Variants in ASIC2 observed in about 807,000 individuals in gnomAD.
ASIC2 encodes acid-sensing ion channel 2.
In ASIC2, 25 loss-of-function variants were observed where a neutral mutation model predicts 57.3. The ratio of observed to expected loss-of-function variants is 0.44; its 90% confidence interval spans 0.32 to 0.61. The LOEUF (loss-of-function observed/expected upper bound fraction) is 0.61. Ranked by LOEUF, ASIC2 falls within the 20% of genes least tolerant of loss-of-function variation. ASIC2 has a pLI of 0.06. For synonymous variants in ASIC2, 319 were observed against 307.5 expected (o/e 1.04, Z -0.39); for missense variants, 641 against 738.1 (o/e 0.87, Z 1.52).
chr17:33,232,953 C>T (rs766506916), intron 1 of ASIC2, among the ~76,000 whole-genome samples: 58 of 152,048 alleles, frequency 3.8e-4, no homozygotes, highest in Non-Finnish European at 4.7e-4. Context: ...AGATGCCCAC[C>T]CCTCAGGGCA....
intron 1 of ASIC2, among the ~76,000 whole-genome samples, chr17:33,218,425 C>T (rs113131332): frequency 1.4e-4 from 21 of 152,328 alleles, no homozygotes; most frequent in Non-Finnish European, 2.5e-4. Flanking sequence ...GCCCAGTGCC[C>T]GGCACAGTGG....
intron 1 of ASIC2, among the ~76,000 whole-genome samples, chr17:34,008,834 G>T (rs568815786): frequency 6.6e-6 from 1 of 152,304 alleles, no homozygotes; most frequent in Admixed American, 6.5e-5. Context: ...TACAGAGTTT[G>T]CAGAGAACAT....
intron 1 of ASIC2, among the ~76,000 whole-genome samples, chr17:33,224,524 G>C (rs917661188): frequency 2.6e-5 from 4 of 152,074 alleles, no homozygotes; most frequent in African/African-American, 9.7e-5. Context: ...GCAAGAATAC[G>C]GATCTAACTA....
At chr17:33,356,679 T>C (rs1908385808) in intron 1 of ASIC2, among the ~76,000 whole-genome samples, 1 of 152,130 alleles carries the variant, frequency 6.6e-6, no homozygotes, top group Non-Finnish European at 1.5e-5. Flanking sequence ...CCCAACCCAG[T>C]GCACTCAGGG....
At chr17:33,985,273 A>T (rs1014368672) in intron 1 of ASIC2, among the ~76,000 whole-genome samples, 1 of 152,294 alleles carries the variant, frequency 6.6e-6, no homozygotes, top group East Asian at 1.9e-4. Flanking sequence ...TCTGAAAATT[A>T]TGCCCACCCC....
intron 1 of ASIC2, among the ~76,000 whole-genome samples, chr17:33,658,912 A>G (rs966534743): frequency 1.6e-4 from 25 of 152,302 alleles, no homozygotes; most frequent in African/African-American, 5.8e-4. Flanking sequence ...CTGAGGCAAG[A>G]GAATTGCTTG....
At chr17:33,660,323 T>C (rs1240273533) in intron 1 of ASIC2, among the ~76,000 whole-genome samples, 1 of 151,994 alleles carries the variant, frequency 6.6e-6, no homozygotes, top group Non-Finnish European at 1.5e-5. Context: ...TATTGTAATG[T>C]TTTGGCTTTC....
At chr17:33,306,577 G>T (rs1251109023) in intron 1 of ASIC2, among the ~76,000 whole-genome samples, 1 of 152,118 alleles carries the variant, frequency 6.6e-6, no homozygotes, top group African/African-American at 2.4e-5. Context: ...CCATCACCAA[G>T]GGCTGTCGAT....
At chr17:33,588,234 C>A (rs999435601) in intron 1 of ASIC2, among the ~76,000 whole-genome samples, 1 of 152,194 alleles carries the variant, frequency 6.6e-6, no homozygotes, top group Admixed American at 6.5e-5. Context: ...GAAATCTTGA[C>A]CTTGAGAGGA....
intron 1 of ASIC2, among the ~76,000 whole-genome samples, chr17:33,366,104 C>T (rs1908799274): frequency 2.0e-5 from 3 of 152,232 alleles, no homozygotes; most frequent in Admixed American, 1.3e-4. Context: ...GCTGATGACC[C>T]TCCCATGATG....
chr17:33,437,608 C>T (rs1282382087), intron 1 of ASIC2, among the ~76,000 whole-genome samples: 1 of 151,944 alleles, frequency 6.6e-6, no homozygotes, highest in Non-Finnish European at 1.5e-5. Flanking sequence ...TCAAGACCAG[C>T]CTGACAGTGA....
chr17:33,257,990 G>GTT (rs914881875), intron 1 of ASIC2, among the ~76,000 whole-genome samples: 26 of 152,180 alleles, frequency 1.7e-4, no homozygotes, highest in African/African-American at 6.3e-4. Flanking sequence ...TGTGTGCAAG[G>GTT]TGCTTAAATC....
intron 1 of ASIC2, among the ~76,000 whole-genome samples, chr17:33,648,068 C>T (rs1037541414): frequency 6.6e-6 from 1 of 152,214 alleles, no homozygotes; most frequent in African/African-American, 2.4e-5. Context: ...TATTTCTTAA[C>T]TGTCTTCCTT....
At chr17:33,797,682 C>T (rs562751367) in intron 1 of ASIC2, among the ~76,000 whole-genome samples, 1 of 152,220 alleles carries the variant, frequency 6.6e-6, no homozygotes, top group South Asian at 2.1e-4. Flanking sequence ...AGTGCCTGAC[C>T]AAGGTAATTT....
intron 1 of ASIC2, among the ~76,000 whole-genome samples, chr17:34,132,776 T>C (rs1055871949): frequency 1.6e-4 from 25 of 152,204 alleles, no homozygotes; most frequent in African/African-American, 6.0e-4. Flanking sequence ...CTGTGGGCTG[T>C]TGTTAGGTAA....
intron 1 of ASIC2, among the ~76,000 whole-genome samples, chr17:33,555,697 C>A (rs1287511473): frequency 6.6e-6 from 1 of 152,028 alleles, no homozygotes; most frequent in Non-Finnish European, 1.5e-5. Context: ...AGAAATTGGA[C>A]CTCAGGTGTG....
At chr17:33,557,265 CTA>C (rs1042149346) in intron 1 of ASIC2, among the ~76,000 whole-genome samples, 2 of 150,916 alleles carry the variant, frequency 1.3e-5, no homozygotes, top group African/African-American at 4.9e-5. Context: ...AGTCTCAGGT[CTA>C]TATTACTCTA....
At chr17:34,154,654 T>C (rs1335693595) in intron 1 of ASIC2, among the ~76,000 whole-genome samples, 1 of 152,126 alleles carries the variant, frequency 6.6e-6, no homozygotes, top group Non-Finnish European at 1.5e-5. Flanking sequence ...GGGTAGGGAA[T>C]GGATGCAGCA....
At chr17:33,489,520 G>A (rs1308118627) in intron 1 of ASIC2, among the ~76,000 whole-genome samples, 1 of 152,232 alleles carries the variant, frequency 6.6e-6, no homozygotes, top group East Asian at 1.9e-4. Context: ...GTGCATGATT[G>A]CCAGCCCCCA....
Sources: allele counts gnomAD v4.1 joint callset (sites outside exome capture counted in the v4.1 genomes callset), GRCh38; gene constraint gnomAD v4.1.1; transcripts MANE v1.5; gene names NCBI Gene and HGNC (gene_info 2026-07-23, HGNC 2026-07-21).